The following BATF2 variants were observed in gnomAD, a reference collection of about 807,000 sequenced individuals.
BATF2 encodes the protein basic leucine zipper transcriptional factor ATF-like 2.
BATF2 carries 4 observed loss-of-function variants against 7.3 expected under a neutral mutation model. That is an observed-to-expected ratio of 0.55 (90% CI 0.27 to 1.26). BATF2 has a LOEUF of 1.26. Among genes scored for constraint, BATF2 ranks in the 50% most tolerant of loss-of-function variants. BATF2 has a pLI of 0.11. For missense variants in BATF2, 295 were observed against 340.5 expected (o/e 0.87, Z 1.05); for synonymous variants, 152 against 153.9 (o/e 0.99, Z 0.09).
chr11:64,989,200 G>A lies in BATF2; in HGVS notation c.754C>T (p.Leu252=), dbSNP rs769646598. Residue 252 remains leucine (L), a synonymous_variant, in exon 3 of 3, where the codon CTG becomes TTG. Transcript: ENST00000301887. The surrounding 1 kb of genome is among the most constrained non-coding windows in gnomAD (Gnocchi z 4.3). ...GGGTGAGGGCTGGGATCCACAACCA[G>A]CCCTTGCCAAGTGGCTGCTGAGAGA... ...PALSAATWQG[L]VVDPSPHPLL... is the part of the protein sequence containing the mutation. 2.1e-5 allele frequency: 34 copies of A among 1,614,024 alleles called. No homozygotes were observed. In the East Asian group the frequency reaches 7.6e-4, roughly 36 times the overall value.
chr11:64,991,576 C>A (rs1422557282), intron 2 of BATF2, among the ~76,000 whole-genome samples: 1 of 152,194 alleles, frequency 6.6e-6, no homozygotes, highest in Non-Finnish European at 1.5e-5. Flanking sequence ...CGTTTGCCAC[C>A]TTCAGGAGGC....
In BATF2 at chr11:64,989,994, C is replaced by T. The variant is rs963837830; in HGVS notation, c.142-182G>A. The T allele has an allele frequency of 7.2e-6, 11 of 1,521,064 alleles. No individual in the cohort carries two copies. In the South Asian group the frequency reaches 1.1e-4, roughly 15 times the overall value. 94.2% of individuals were successfully genotyped at this position (1,521,064 alleles called of 1,614,324 possible). On this transcript the variant is annotated intron_variant, in intron 2 of 2. Coordinates refer to ENST00000301887, the MANE Select transcript of BATF2 (RefSeq NM_138456.4). The surrounding 1 kb of genome is among the most constrained non-coding windows in gnomAD (Gnocchi z 4.3). ...TTCATAACCACCTACCAAGTCTCCCCTGTCCCACCCTCTGAAGGGGGCTCA... is the reference window on the plus strand; with the variant it reads ...TTCATAACCACCTACCAAGTCTCCCTTGTCCCACCCTCTGAAGGGGGCTCA...
chr11:64,991,153 ATTT>A (rs986602706), intron 2 of BATF2, among the ~76,000 whole-genome samples: 5 of 113,010 alleles, frequency 4.4e-5, no homozygotes, highest in Admixed American at 1.0e-4. Context: ...GGAATGATGA[ATTT>A]TTTTTTTTTT....
At chr11:64,994,000 A>C (rs1033213918) in intron 2 of BATF2, among the ~76,000 whole-genome samples, 1 of 152,102 alleles carries the variant, frequency 6.6e-6, no homozygotes, top group African/African-American at 2.4e-5. Flanking sequence ...GTCTCACTAT[A>C]TTGCCCAGGC....
rs1457605642 is a variant in BATF2 at position 64,994,517 on chromosome 11, C to T, written c.72G>A (p.Lys24=). The T allele has an allele frequency of 1.2e-6, 2 of 1,604,122 alleles. No homozygotes were observed. The highest frequency in any genetic ancestry group is 2.2e-5 in the South Asian group (2 of 89,264). ...GCTGGGCGGCTGCCCGGTTCTTCTG[C>T]TTCTTCAGCTGCCTTTGTTGCTCCT... ...DPKEQQRQLK[K]QKNRAAAQRS... is the part of the protein sequence containing the mutation. The change falls in exon 2 of 3, where the codon AAG becomes AAA. Residue 24 remains lysine, a synonymous_variant. Coordinates refer to ENST00000301887, the MANE Select transcript of BATF2 (RefSeq NM_138456.4).
At chr11:64,995,280 T>C (rs1946102703) in intron 1 of BATF2, among the ~76,000 whole-genome samples, 1 of 152,244 alleles carries the variant, frequency 6.6e-6, no homozygotes, top group Non-Finnish European at 1.5e-5. Context: ...GCTTCCATTC[T>C]TCTCATTGCC....
intron 1 of BATF2, 60 bp from the exon 2 acceptor site, chr11:64,994,609 G>A: frequency 1.4e-6 from 2 of 1,478,340 alleles, no homozygotes; most frequent in Non-Finnish European, 1.8e-6. Context: ...CCTCCGTCCT[G>A]GCCCGCCATT....
intron 2 of BATF2, among the ~76,000 whole-genome samples, chr11:64,991,819 A>G (rs1464974446): frequency 6.6e-6 from 1 of 152,186 alleles, no homozygotes; most frequent in Non-Finnish European, 1.5e-5. Context: ...GAGACGCTCA[A>G]TAAGCATTTC....
intron 2 of BATF2, among the ~76,000 whole-genome samples, chr11:64,991,730 T>C (rs1345899417): frequency 6.6e-6 from 1 of 152,056 alleles, no homozygotes; most frequent in Non-Finnish European, 1.5e-5. Flanking sequence ...ATGAGCCCTG[T>C]GGGTGGGGCT....
rs776883148 is a variant in BATF2 at position 64,989,812 on chromosome 11, G to A, written c.142C>T (p.Gln48Ter). 9.3e-6 allele frequency: 15 copies of A among 1,613,458 alleles called. No individual in the cohort carries two copies. Among genetic ancestry groups the A allele is most frequent in the African/African-American group, 2.7e-5 (2 of 74,926 alleles). The change falls in exon 3 of 3, where the codon CAG becomes TAG. Residue 48 changes from glutamine to a stop codon, truncating the protein, a stop_gained and splice_region_variant. Coordinates refer to ENST00000301887, the MANE Select transcript of BATF2 (RefSeq NM_138456.4). LOFTEE classifies it low-confidence loss of function (END_TRUNC). This position sits in a 1 kb window ranked among gnomAD's most constrained non-coding sequence, Gnocchi z 4.3. ...HTDKADALHQ[Q>*]HESLEKDNLA... ...TTGTCTTTTTCCAGAGACTCGTGCT[G>A]CTGCAGAGAAGCAGATGGGCGGGGA... is the stretch of plus-strand genomic sequence containing the variant.
chr11:64,989,798 C>T lies in BATF2; in HGVS notation c.156G>A (p.Leu52=). 1 of 1,613,780 alleles carries T rather than the reference C, an allele frequency of 6.2e-7. No homozygotes were observed. Among genetic ancestry groups the T allele is most frequent in the Non-Finnish European group, 8.5e-7 (1 of 1,180,010 alleles). ...TCCGCAGGGCGAGGTTGTCTTTTTC[C>T]AGAGACTCGTGCTGCTGCAGAGAAG... is the stretch of plus-strand genomic sequence containing the variant. ...ADALHQQHES[L]EKDNLALRKE... The change falls in exon 3 of 3, where the codon CTG becomes CTA. Residue 52 remains leucine, a synonymous_variant. Coordinates refer to ENST00000301887, the MANE Select transcript of BATF2 (RefSeq NM_138456.4). The surrounding 1 kb of genome is among the most constrained non-coding windows in gnomAD (Gnocchi z 4.3).
At position 64,989,739 on chromosome 11, in the gene BATF2, C is replaced by T. The variant is rs773653917; in HGVS notation, c.215G>A (p.Trp72Ter). ...ATGCACGTGCAGGGTCCGGCTCCAC[C>T]ACGCCAGCTCGGCCTGCAGGGACTG... is the stretch of plus-strand genomic sequence containing the variant. ...EIQSLQAELA[W>*]WSRTLHVHER... The change falls in exon 3 of 3, where the codon TGG (tryptophan) becomes TAG (stop). Residue 72 changes from tryptophan to a stop codon, truncating the protein, a stop_gained. Coordinates refer to ENST00000301887, the MANE Select transcript of BATF2 (RefSeq NM_138456.4). LOFTEE classifies it low-confidence loss of function (END_TRUNC). The surrounding 1 kb of genome is among the most constrained non-coding windows in gnomAD (Gnocchi z 4.3). 6.2e-7 allele frequency: 1 copy of T among 1,614,050 alleles called. No homozygotes were observed. The highest frequency in any genetic ancestry group is 1.1e-5 in the South Asian group (1 of 91,084).
At chr11:64,994,643 G>C in intron 1 of BATF2, 94 bp from the exon 2 acceptor site, 1 of 1,233,458 alleles carries the variant, frequency 8.1e-7, no homozygotes, top group Non-Finnish European at 1.2e-6. Flanking sequence ...CTTTCCCCTT[G>C]AGTCAAGTTC....
Position 64,989,696 on chromosome 11 carries a change from C to T in BATF2, c.258G>A (p.Met86Ile), listed in dbSNP as rs2136874287. ...CTGGAGCTGAGCAGGAGGCACAATC[C>T]ATGGGGCACAGGCGCTCATGCACGT... ...TLHVHERLCPMDCASCSAPGL... is the reference protein window; with the variant it reads ...TLHVHERLCPIDCASCSAPGL... The change falls in exon 3 of 3, where the codon ATG becomes ATA. Residue 86 changes from methionine to isoleucine, a missense_variant. Met to Ile is a conservative substitution (Grantham distance 10, BLOSUM62 1). Transcript: ENST00000301887. The surrounding 1 kb of genome is among the most constrained non-coding windows in gnomAD (Gnocchi z 4.3). 6.2e-7 allele frequency: 1 copy of T among 1,613,908 alleles called. No individual in the cohort carries two copies. The highest frequency in any genetic ancestry group is 8.5e-7 in the Non-Finnish European group (1 of 1,179,982).
Position 64,989,538 on chromosome 11 carries a change from CCTG to C in BATF2, c.413_415del (p.Pro138_Gly139delinsArg). On this transcript the variant is annotated inframe_deletion, in exon 3 of 3. Transcript: ENST00000301887. The surrounding 1 kb of genome is among the most constrained non-coding windows in gnomAD (Gnocchi z 4.3). Reference sequence around the variant, plus strand: ...GCTGGGAGAATCATGAGGCTGTGGACCTGGAGAGAGCGGCTGAGCTGGGTAACA... The same window carrying C: ...GCTGGGAGAATCATGAGGCTGTGGACGAGAGAGCGGCTGAGCTGGGTAACA... 2.5e-6 allele frequency: 4 copies of C among 1,592,524 alleles called. No homozygotes were observed. Among genetic ancestry groups the C allele is most frequent in the Non-Finnish European group, 3.4e-6 (4 of 1,169,588 alleles).
rs750517940 is a variant in BATF2, at chr11:64,989,993, CCT to C, written c.142-183_142-182del. Reference sequence around the variant, plus strand: ...CTTCATAACCACCTACCAAGTCTCCCCTGTCCCACCCTCTGAAGGGGGCTCAG... The same window carrying C: ...CTTCATAACCACCTACCAAGTCTCCCGTCCCACCCTCTGAAGGGGGCTCAG... On this transcript the variant is annotated intron_variant, in intron 2 of 2. Coordinates refer to ENST00000301887, the MANE Select transcript of BATF2 (RefSeq NM_138456.4). This position sits in a 1 kb window ranked among gnomAD's most constrained non-coding sequence, Gnocchi z 4.3. 33 of 1,518,294 alleles carry C rather than the reference CCT, an allele frequency of 2.2e-5. No homozygotes were observed. The South Asian group carries it at 3.4e-4, about 15-fold the overall frequency. 94.1% of individuals were successfully genotyped at this position (1,518,294 alleles called of 1,614,324 possible).
chr11:64,990,501 C>T (rs1946067570), intron 2 of BATF2: 4 of 1,187,816 alleles, frequency 3.4e-6, no homozygotes, highest in East Asian at 5.0e-5. Context: ...GATTGTTTTA[C>T]AGGTTGACAG....
intron 2 of BATF2, among the ~76,000 whole-genome samples, chr11:64,993,509 G>A (rs958051258): frequency 1.3e-5 from 2 of 152,194 alleles, no homozygotes; most frequent in Admixed American, 6.5e-5. Flanking sequence ...AACTGAATTG[G>A]CTGGCACCTT....
At chr11:64,990,409 A>G (rs1830392494) in intron 2 of BATF2, 8 of 1,386,806 alleles carry the variant, frequency 5.8e-6, no homozygotes, top group Non-Finnish European at 6.6e-6. Flanking sequence ...CCTTGATGTC[A>G]TTCTGTCCTA....
Sources: gnomAD v4.1 joint callset for allele counts (sites outside exome capture counted in the v4.1 genomes callset) on GRCh38, gnomAD v4.1.1 for gene constraint, Gnocchi (gnomAD v3.1) non-coding constraint, MANE v1.5 for transcripts, NCBI Gene and HGNC (gene_info 2026-07-23, HGNC 2026-07-21) for gene names.